The following FMN2 variants were observed in gnomAD, a reference collection of about 807,000 sequenced individuals.
FMN2 encodes formin 2.
A neutral mutation model predicts 142.3 loss-of-function variants in FMN2; 51 were observed. The ratio of observed to expected loss-of-function variants is 0.36; its 90% CI spans 0.29 to 0.45. The LOEUF is 0.45. FMN2 is among the 20% of genes least tolerant of loss of function. FMN2 has a pLI of 1.00. For missense variants in FMN2, 1,936 were observed against 2,122.8 expected (o/e 0.91, Z 1.73); for synonymous variants, 882 against 869.8 (o/e 1.01, Z -0.25).
chr1:240,333,159 A>C (rs1210681777), intron 11 of FMN2, among the ~76,000 whole-genome samples: 1 of 152,186 alleles, frequency 6.6e-6, no homozygotes, highest in Non-Finnish European at 1.5e-5. Flanking sequence ...GGAACAATAC[A>C]AAAAAAGAGT....
At chr1:240,179,669 G>T (rs1665073712) in intron 3 of FMN2, 1 of 152,190 alleles carries the variant, frequency 6.6e-6, no homozygotes, top group African/African-American at 2.4e-5. Flanking sequence ...GCAAGTAAAA[G>T]GACTTTTCGT....
At chr1:240,151,200 T>C (rs1298380140) in intron 2 of FMN2, among the ~76,000 whole-genome samples, 1 of 152,170 alleles carries the variant, frequency 6.6e-6, no homozygotes, top group Non-Finnish European at 1.5e-5. Context: ...GCCTACCTCA[T>C]TTTTAAATGA....
At chr1:240,447,862 G>A (rs546700794) in intron 16 of FMN2, among the ~76,000 whole-genome samples, 48 of 152,270 alleles carry the variant, frequency 3.2e-4, no homozygotes, top group East Asian at 9.7e-4. Flanking sequence ...TGAATTGTAC[G>A]GCATGTGAAT....
chr1:240,107,817 A>C (rs1661670021), intron 1 of FMN2, among the ~76,000 whole-genome samples: 1 of 152,168 alleles, frequency 6.6e-6, no homozygotes, highest in African/African-American at 2.4e-5. Flanking sequence ...GACATGTAGT[A>C]CCGAGAACTC....
intron 14 of FMN2, among the ~76,000 whole-genome samples, chr1:240,365,182 TA>T (rs1672622258): frequency 6.9e-6 from 1 of 145,708 alleles, no homozygotes; most frequent in Non-Finnish European, 1.5e-5. Context: ...TACGTGTGCA[TA>T]TATATACATA....
At chr1:240,096,879 T>C (rs1336794876) in intron 1 of FMN2, among the ~76,000 whole-genome samples, 1 of 152,256 alleles carries the variant, frequency 6.6e-6, no homozygotes, top group Non-Finnish European at 1.5e-5. Context: ...TATCTTGTTT[T>C]AGCTATTAAG....
intron 14 of FMN2, among the ~76,000 whole-genome samples, chr1:240,367,787 A>G (rs1672731967): frequency 6.6e-6 from 1 of 151,476 alleles, no homozygotes; most frequent in East Asian, 1.9e-4. Context: ...AAAAAAAAAA[A>G]AAAAGAAATC....
chr1:240,331,821 A>G (rs1671385671), intron 11 of FMN2, among the ~76,000 whole-genome samples: 1 of 152,170 alleles, frequency 6.6e-6, no homozygotes, highest in African/African-American at 2.4e-5. Flanking sequence ...ACCTCAGCCT[A>G]CAGTTGGGCA....
At chr1:240,463,252 TAGAA>T (rs1413941681) in intron 16 of FMN2, among the ~76,000 whole-genome samples, 1 of 152,008 alleles carries the variant, frequency 6.6e-6, no homozygotes, top group African/African-American at 2.4e-5. Context: ...ACAGTGGAAT[TAGAA>T]AGGTTGAGAC....
chr1:240,162,343 A>G (rs1044618546), intron 2 of FMN2, among the ~76,000 whole-genome samples: 1 of 152,024 alleles, frequency 6.6e-6, no homozygotes, highest in African/African-American at 2.4e-5. Context: ...AGTTGCCTGT[A>G]GTCCCAGCTA....
intron 8 of FMN2, among the ~76,000 whole-genome samples, chr1:240,319,439 A>C (rs768595197): frequency 2.1e-4 from 32 of 152,214 alleles, no homozygotes; most frequent in Non-Finnish European, 1.5e-5. Flanking sequence ...ACACAAATGC[A>C]CACGTTTTGT....
chr1:240,098,500 A>G (rs1442762815), intron 1 of FMN2, among the ~76,000 whole-genome samples: 2 of 152,158 alleles, frequency 1.3e-5, no homozygotes, highest in Non-Finnish European at 2.9e-5. Flanking sequence ...TTTCCAGCAG[A>G]GCCCCTGACA....
chr1:240,234,021 T>G (rs1667615061), intron 6 of FMN2, among the ~76,000 whole-genome samples: 1 of 152,124 alleles, frequency 6.6e-6, no homozygotes, highest in African/African-American at 2.4e-5. Flanking sequence ...AAGGATAGAA[T>G]TTTTGCAGGG....
At chr1:240,129,034 G>A (rs1404491544) in intron 2 of FMN2, among the ~76,000 whole-genome samples, 4 of 151,698 alleles carry the variant, frequency 2.6e-5, no homozygotes, top group Non-Finnish European at 5.9e-5. Flanking sequence ...CCACGACGCC[G>A]AGCTAATTTT....
At chr1:240,384,950 G>A (rs1453972152) in intron 14 of FMN2, among the ~76,000 whole-genome samples, 2 of 151,890 alleles carry the variant, frequency 1.3e-5, no homozygotes, top group African/African-American at 4.8e-5. Flanking sequence ...ATGATTATTT[G>A]TCTCTCTCTC....
At position 240,278,575 on chromosome 1, in the gene FMN2, G is replaced by T. The variant is rs532575372; in HGVS notation, c.4154-16247G>T. 2.0e-5 allele frequency among the ~76,000 whole-genome samples: 3 copies of T among 152,236 alleles called. No individual in the cohort carries two copies. In the South Asian group the frequency reaches 6.2e-4, roughly 32 times the overall value. On this transcript the variant is annotated intron_variant, in intron 7 of 17. Coordinates refer to ENST00000319653, the MANE Select transcript of FMN2 (RefSeq NM_020066.5). ...AGAGACGAGGAATGGAAGGAGATTTGATATTCCTTAGGAATTTTATTAATA... is the reference window on the plus strand; with the variant it reads ...AGAGACGAGGAATGGAAGGAGATTTTATATTCCTTAGGAATTTTATTAATA...
chr1:240,402,824 T>C (rs1463368924), intron 15 of FMN2, among the ~76,000 whole-genome samples: 1 of 152,238 alleles, frequency 6.6e-6, no homozygotes, highest in Non-Finnish European at 1.5e-5. Flanking sequence ...TAAAAAATAA[T>C]GAGACTGGGA....
At position 240,093,065 on chromosome 1, in the gene FMN2, C is replaced by T. The variant is rs1235201434; in HGVS notation, c.956C>T (p.Ser319Phe). Residue 319 changes from serine to phenylalanine, a missense_variant, in exon 1 of 18, where the codon TCC becomes TTC. Coordinates refer to ENST00000319653, the MANE Select transcript of FMN2 (RefSeq NM_020066.5). The part of the protein sequence containing the change: ...AAQPAAKDSP[S>F]STAFPFPEAG... ...CAACCCGCGGCCAAAGACTCGCCCT[C>T]CTCCACGGCTTTCCCATTTCCCGAG... 6 of 1,395,640 alleles carry T rather than the reference C, an allele frequency of 4.3e-6. No individual in the cohort carries two copies. Among genetic ancestry groups the T allele is most frequent in the East Asian group, 2.9e-5 (1 of 34,434 alleles). The allele number at this position is 1,395,640 out of a possible 1,614,324, so 86.5% of individuals were successfully genotyped here.
intron 7 of FMN2, among the ~76,000 whole-genome samples, chr1:240,292,684 A>G (rs910270402): frequency 5.9e-5 from 9 of 152,214 alleles, no homozygotes; most frequent in Non-Finnish European, 1.0e-4. Flanking sequence ...TAACATAGAC[A>G]TTTTGATCTA....
Sources: allele counts gnomAD v4.1 joint callset (sites outside exome capture counted in the v4.1 genomes callset), GRCh38; gene constraint gnomAD v4.1.1; transcripts MANE v1.5; gene names NCBI Gene and HGNC (gene_info 2026-07-23, HGNC 2026-07-21).